COQ2: variants seen among roughly 807,000 people sequenced by gnomAD.
COQ2 encodes coenzyme Q2, polyprenyltransferase.
In COQ2, 25 loss-of-function variants were observed where a neutral mutation model predicts 35.7. The observed-to-expected ratio is 0.70, with a 90% confidence interval of 0.51 to 0.98. The LOEUF (loss-of-function observed/expected upper bound fraction) is 0.98. COQ2 is among the 50% of genes least tolerant of loss of function. The pLI, the probability that COQ2 is intolerant of heterozygous loss-of-function variation, is 0.00. For missense variants in COQ2, 488 were observed against 473.5 expected (o/e 1.03, Z -0.28); for synonymous variants, 206 against 186.2 (o/e 1.11, Z -0.86).
At chr4:83,274,224 C>A (rs1176988501) in intron 2 of COQ2, among the ~76,000 whole-genome samples, 1 of 152,126 alleles carries the variant, frequency 6.6e-6, no homozygotes, top group African/African-American at 2.4e-5. Context: ...TCAATTTCCA[C>A]AGAGAAAGCC....
chr4:83,272,553 A>G (rs1025450606), intron 3 of COQ2, among the ~76,000 whole-genome samples: 1 of 152,220 alleles, frequency 6.6e-6, no homozygotes, highest in Non-Finnish European at 1.5e-5. Flanking sequence ...AAAGAAATTA[A>G]GTAGTTTGCT....
At chr4:83,274,408 T>C (rs1027925910) in intron 2 of COQ2, among the ~76,000 whole-genome samples, 6 of 152,312 alleles carry the variant, frequency 3.9e-5, no homozygotes, top group Admixed American at 1.3e-4. Flanking sequence ...TTGGCCAAGC[T>C]GGTTTCGAAC....
intron 1 of COQ2, chr4:83,283,207 A>G (rs1370514333): frequency 1.1e-6 from 1 of 908,238 alleles, no homozygotes; most frequent in Non-Finnish European, 1.3e-6. Context: ...TACCAAAAGC[A>G]AGGCCTAATT....
chr4:83,284,887 T>G, upstream of COQ2: 7 of 1,523,392 alleles, frequency 4.6e-6, no homozygotes, highest in Non-Finnish European at 6.1e-6. Context: ...GAACCTTTCC[T>G]CATCCTTACT....
intron 5 of COQ2, among the ~76,000 whole-genome samples, chr4:83,268,129 C>T (rs949417140): frequency 5.3e-5 from 8 of 152,202 alleles, no homozygotes; most frequent in Non-Finnish European, 8.8e-5. Context: ...TAAAATTCAG[C>T]TCTAATTCTT....
intron 2 of COQ2, among the ~76,000 whole-genome samples, chr4:83,275,998 TA>T (rs1735156071): frequency 9.9e-6 from 1 of 101,242 alleles, no homozygotes. Context: ...TATTTTTATA[TA>T]GAATATATAT....
intron 1 of COQ2, chr4:83,282,449 A>G (rs960316557): frequency 3.2e-5 from 5 of 155,990 alleles, no homozygotes; most frequent in African/African-American, 1.2e-4. Context: ...TGTTTCTGGC[A>G]TATGGTAGGG....
chr4:83,267,683 G>A lies in COQ2; in HGVS notation c.854C>T (p.Ala285Val). Residue 285 changes from alanine to valine, a missense_variant, in exon 6 of 7, where the codon GCA becomes GTA. By Grantham distance (64) the Ala-to-Val change is moderately conservative (BLOSUM62 0). Coordinates refer to ENST00000647002, the MANE Select transcript of COQ2 (RefSeq NM_001358921.2). The part of the protein sequence containing the change: ...TKPWLSGFSV[A>V]MLGALSLVGV... ...CACTAGGCTCAGTGCCCCCAGCATT[G>A]CAACACTGAAGCCGCTGAGCCACGG... is the stretch of plus-strand genomic sequence containing the variant. 6.4e-7 allele frequency: 1 copy of A among 1,563,178 alleles called. No homozygotes were observed. Among genetic ancestry groups the A allele is most frequent in the Non-Finnish European group, 8.7e-7 (1 of 1,154,026 alleles).
intron 1 of COQ2, among the ~76,000 whole-genome samples, chr4:83,280,084 C>A (rs1005001356): frequency 1.3e-5 from 2 of 152,080 alleles, no homozygotes; most frequent in Admixed American, 6.6e-5. Flanking sequence ...CCCACCTTGG[C>A]CTCCCAAAGT....
At chr4:83,277,270 T>C (rs1302013515) in intron 2 of COQ2, among the ~76,000 whole-genome samples, 7 of 152,164 alleles carry the variant, frequency 4.6e-5, no homozygotes, top group African/African-American at 1.7e-4. Flanking sequence ...TGCTTTACCA[T>C]ACAGCTCCTG....
At chr4:83,269,525 T>TA (rs1298297276) in intron 5 of COQ2, among the ~76,000 whole-genome samples, 12 of 152,332 alleles carry the variant, frequency 7.9e-5, no homozygotes, top group Admixed American at 3.3e-4. Flanking sequence ...TAAATGAGGA[T>TA]AATGTAAGTA....
upstream of COQ2, chr4:83,284,922 G>A: frequency 1.3e-6 from 2 of 1,498,896 alleles, no homozygotes; most frequent in Non-Finnish European, 8.9e-7. Flanking sequence ...CATCGTGGTC[G>A]CTTACTCTAG....
chr4:83,271,098 T>C (rs1158185842), intron 4 of COQ2, among the ~76,000 whole-genome samples: 1 of 152,200 alleles, frequency 6.6e-6, no homozygotes, highest in Non-Finnish European at 1.5e-5. Context: ...ATTCTAGGAA[T>C]AGAATAGAAA....
chr4:83,284,992 A>C, upstream of COQ2: 1 of 1,020,014 alleles, frequency 9.8e-7, no homozygotes, highest in Non-Finnish European at 1.4e-6. Flanking sequence ...ATTACAATAA[A>C]TTTAGTTGTA....
chr4:83,270,470 A>G (rs1375794397), intron 4 of COQ2, among the ~76,000 whole-genome samples: 3 of 152,152 alleles, frequency 2.0e-5, no homozygotes, highest in Non-Finnish European at 2.9e-5. Flanking sequence ...AGGACTGTAA[A>G]CAAACACCTA....
chr4:83,281,188 C>G (rs907903499), intron 1 of COQ2, among the ~76,000 whole-genome samples: 2 of 152,192 alleles, frequency 1.3e-5, no homozygotes, highest in Non-Finnish European at 2.9e-5. Flanking sequence ...TAACTACTTT[C>G]TTTACCCTGG....
At chr4:83,274,527 T>G (rs1013307564) in intron 2 of COQ2, among the ~76,000 whole-genome samples, 3 of 143,812 alleles carry the variant, frequency 2.1e-5, no homozygotes, top group Non-Finnish European at 4.7e-5. Flanking sequence ...CCTTAACAGA[T>G]AAAAATTTGT....
rs565724358 is a variant in COQ2 at position 83,272,063 on chromosome 4, T to C, written c.628+24A>G. The C allele has an allele frequency of 1.8e-5, 27 of 1,464,710 alleles. No homozygotes were observed. The East Asian group carries it at 5.7e-4, about 31-fold the overall frequency. The allele number at this position is 1,464,710 out of a possible 1,614,324, so 90.7% of individuals were successfully genotyped here. A position where few individuals can be genotyped will look rare whatever the true frequency, so the allele number is the denominator to read the frequency against. ...TGTAGTTTGCAAATATCAAAGGAAA[T>C]ACTTTTAGTTATTGTAAGCTCACCC... On this transcript the variant is annotated intron_variant, in intron 4 of 6. Coordinates refer to ENST00000647002, the MANE Select transcript of COQ2 (RefSeq NM_001358921.2).
chr4:83,264,461 A>C (rs1734863329), intron 6 of COQ2, 98 bp from the exon 7 acceptor site: 3 of 1,456,572 alleles, frequency 2.1e-6, no homozygotes, highest in Non-Finnish European at 2.7e-6. Flanking sequence ...AGCAAATACA[A>C]AAAATACAAA....
Sources: allele counts gnomAD v4.1 joint callset (sites outside exome capture counted in the v4.1 genomes callset), GRCh38; gene constraint gnomAD v4.1.1; transcripts MANE v1.5; gene names NCBI Gene and HGNC (gene_info 2026-07-23, HGNC 2026-07-21).